The following SPON1 variants were observed in gnomAD, a reference collection of about 807,000 sequenced individuals.
SPON1 encodes the protein spondin 1.
SPON1 carries 52 observed loss-of-function variants against 111.7 expected under a neutral mutation model. That is an observed-to-expected ratio of 0.47 (90% confidence interval 0.37 to 0.59). The LOEUF (loss-of-function observed/expected upper bound fraction) is 0.59, where lower values mean the gene tolerates loss of function less well. Ranked by LOEUF, SPON1 falls within the 20% of genes least tolerant of loss-of-function variation. The pLI is 0.00. For missense variants in SPON1, 957 were observed against 1,068.5 expected (o/e 0.90, Z 1.46); for synonymous variants, 410 against 395.8 (o/e 1.04, Z -0.43).
At chr11:14,171,586 A>C (rs181664084) in intron 6 of SPON1, among the ~76,000 whole-genome samples, 4 of 151,626 alleles carry the variant, frequency 2.6e-5, no homozygotes, top group African/African-American at 9.7e-5. Flanking sequence ...GTGATGTTAG[A>C]GTGTCAATTT....
At chr11:14,079,828 A>G in intron 4 of SPON1, 71 bp from the exon 5 acceptor site, 2 of 1,553,926 alleles carry the variant, frequency 1.3e-6, no homozygotes, top group Non-Finnish European at 1.8e-6. Context: ...ATAAAATGAG[A>G]CCATGATAGC....
chr11:14,225,803 A>G (rs1279595840), intron 6 of SPON1, among the ~76,000 whole-genome samples: 1 of 152,204 alleles, frequency 6.6e-6, no homozygotes, highest in African/African-American at 2.4e-5. Flanking sequence ...AGGAGTTGAA[A>G]GGAAGCTCTG....
intron 6 of SPON1, among the ~76,000 whole-genome samples, chr11:14,216,103 T>A (rs1265215684): frequency 6.6e-6 from 1 of 152,224 alleles, no homozygotes; most frequent in African/African-American, 2.4e-5. Flanking sequence ...TTTGAAGTGT[T>A]GGAGAAAATT....
intron 6 of SPON1, among the ~76,000 whole-genome samples, chr11:14,205,261 T>G (rs1473242196): frequency 6.6e-6 from 1 of 152,240 alleles, no homozygotes; most frequent in Non-Finnish European, 1.5e-5. Flanking sequence ...GCATATCGTA[T>G]TATTACATGT....
rs1031930408 is a variant in SPON1 at position 14,267,246 on chromosome 11, G to A, written c.*1559G>A. On this transcript the variant is annotated 3_prime_UTR_variant, in exon 16 of 16. Transcript: ENST00000576479. ...TTTAAGCTAAGTAAGTGTTCAGAAG[G>A]TTCTTTTTTATATTGTCCTCCACCT... 1.3e-5 allele frequency: 2 copies of A among 152,072 alleles called. No individual in the cohort carries two copies. Among genetic ancestry groups the A allele is most frequent in the African/African-American group, 2.4e-5 (1 of 41,406 alleles). The allele number at this position is 152,072 out of a possible 1,614,324, so 9.4% of individuals were successfully genotyped here.
intron 9 of SPON1, 64 bp from the exon 10 acceptor site, chr11:14,256,553 C>T (rs1849110819): frequency 2.6e-6 from 3 of 1,163,800 alleles, no homozygotes; most frequent in Non-Finnish European, 3.8e-6. Flanking sequence ...TCCTCTTTCA[C>T]CTTCCCCCTA....
intron 6 of SPON1, among the ~76,000 whole-genome samples, chr11:14,223,397 C>A (rs548972497): frequency 1.3e-5 from 2 of 152,192 alleles, no homozygotes; most frequent in African/African-American, 4.8e-5. Flanking sequence ...AGTGCTACTG[C>A]AAGATTGGCA....
At chr11:13,998,743 T>C (rs1411364378) in intron 2 of SPON1, among the ~76,000 whole-genome samples, 1 of 152,094 alleles carries the variant, frequency 6.6e-6, no homozygotes, top group Non-Finnish European at 1.5e-5. Flanking sequence ...GGATATCTGC[T>C]GCTGGAATTG....
chr11:14,125,970 A>G (rs1847454949), intron 5 of SPON1, among the ~76,000 whole-genome samples: 1 of 152,194 alleles, frequency 6.6e-6, no homozygotes. Flanking sequence ...ACCCAGGAAA[A>G]GCCAGTGTTT....
chr11:14,128,220 A>C (rs1225772105), intron 5 of SPON1, among the ~76,000 whole-genome samples: 4 of 152,212 alleles, frequency 2.6e-5, no homozygotes, highest in African/African-American at 9.6e-5. Context: ...CCAAAGTCTC[A>C]TCTGAGACAA....
chr11:14,044,186 A>G (rs1307500973), intron 3 of SPON1, among the ~76,000 whole-genome samples: 4 of 152,196 alleles, frequency 2.6e-5, no homozygotes, highest in Non-Finnish European at 2.9e-5. Context: ...AATCATATAT[A>G]AGCTACAACT....
chr11:14,251,838 C>A (rs953046659), intron 7 of SPON1, among the ~76,000 whole-genome samples: 1 of 152,190 alleles, frequency 6.6e-6, no homozygotes, highest in African/African-American at 2.4e-5. Flanking sequence ...TTGTGTGAAC[C>A]AGGTCTTTAA....
chr11:14,160,470 T>TAC (rs1491509225), intron 6 of SPON1, among the ~76,000 whole-genome samples: 69 of 13,996 alleles, frequency 4.9e-3, no homozygotes, highest in African/African-American at 6.6e-3. Context: ...TATATATATT[T>TAC]ATATATATAT....
intron 5 of SPON1, among the ~76,000 whole-genome samples, chr11:14,118,945 G>A (rs1849284715): frequency 6.6e-6 from 1 of 152,204 alleles, no homozygotes. Flanking sequence ...ACCTGTGAAG[G>A]ACATGATGCA....
chr11:14,223,817 G>A (rs577354224), intron 6 of SPON1, among the ~76,000 whole-genome samples: 1 of 152,304 alleles, frequency 6.6e-6, no homozygotes, highest in Admixed American at 6.5e-5. Flanking sequence ...TCTTATCTGG[G>A]TCACAAAATA....
At chr11:14,054,969 G>A (rs115508937) in intron 3 of SPON1, among the ~76,000 whole-genome samples, 1 of 152,326 alleles carries the variant, frequency 6.6e-6, no homozygotes, top group African/African-American at 2.4e-5. Context: ...CGGGCCCACT[G>A]TTCCAGTCCA....
chr11:14,077,536 G>A (rs11023077), intron 4 of SPON1, among the ~76,000 whole-genome samples: 38,977 of 151,420 alleles, frequency 0.26, 6,031 homozygotes, highest in South Asian at 0.41. Context: ...GGGTTCAGGC[G>A]ATTCTCCTGC....
chr11:14,143,218 C>T (rs186719687), intron 6 of SPON1, among the ~76,000 whole-genome samples: 44 of 152,294 alleles, frequency 2.9e-4, no homozygotes, highest in East Asian at 1.7e-3. Context: ...AAGAACCATC[C>T]GGCCTGTTAT....
intron 5 of SPON1, among the ~76,000 whole-genome samples, chr11:14,126,605 C>A (rs570957120): frequency 6.6e-6 from 1 of 152,192 alleles, no homozygotes; most frequent in Non-Finnish European, 1.5e-5. Context: ...AGAGAGGCTA[C>A]TTGAACTCTG....
Sources: allele counts gnomAD v4.1 joint callset (sites outside exome capture counted in the v4.1 genomes callset), GRCh38; gene constraint gnomAD v4.1.1; transcripts MANE v1.5; gene names NCBI Gene and HGNC (gene_info 2026-07-23, HGNC 2026-07-21).